The following KCNB2 variants were observed in gnomAD, a reference collection of about 807,000 sequenced individuals.
KCNB2 encodes potassium voltage-gated channel subfamily B member 2, also known as delayed rectifier potassium channel protein.
In KCNB2, 15 loss-of-function variants were observed where a neutral mutation model predicts 61.5. The ratio of observed to expected loss-of-function variants is 0.24; its 90% CI spans 0.16 to 0.38. The LOEUF (loss-of-function observed/expected upper bound fraction) is 0.38. KCNB2 is among the 10% of genes least tolerant of loss of function. The pLI, the probability that KCNB2 is intolerant of heterozygous loss-of-function variation, is 1.00. For missense variants in KCNB2, 828 were observed against 1,125.2 expected (o/e 0.74, Z 3.78); for synonymous variants, 457 against 446.0 (o/e 1.02, Z -0.31).
At chr8:72,641,787 A>T (rs977617793) in intron 2 of KCNB2, among the ~76,000 whole-genome samples, 1 of 152,096 alleles carries the variant, frequency 6.6e-6, no homozygotes, top group Admixed American at 6.6e-5. Context: ...TACCTACCTC[A>T]TAGGCTAGTC....
At chr8:72,920,060 C>G (rs1269794551) in intron 2 of KCNB2, among the ~76,000 whole-genome samples, 10 of 151,772 alleles carry the variant, frequency 6.6e-5, no homozygotes, top group Admixed American at 6.6e-4. Flanking sequence ...GACCTATAAG[C>G]TAATATTATA....
intron 2 of KCNB2, among the ~76,000 whole-genome samples, chr8:72,657,059 C>A (rs1806303152): frequency 6.6e-6 from 1 of 152,120 alleles, no homozygotes; most frequent in Non-Finnish European, 1.5e-5. Flanking sequence ...AACTAAATTA[C>A]TTTTAATTCA....
At chr8:72,561,454 G>C (rs928081145) in intron 1 of KCNB2, among the ~76,000 whole-genome samples, 4 of 150,932 alleles carry the variant, frequency 2.7e-5, no homozygotes, top group African/African-American at 9.7e-5. Flanking sequence ...GGAGTATATA[G>C]TTGTGCTAAA....
intron 2 of KCNB2, among the ~76,000 whole-genome samples, chr8:72,652,179 T>C (rs1003559803): frequency 4.6e-5 from 7 of 152,148 alleles, no homozygotes; most frequent in African/African-American, 1.2e-4. Flanking sequence ...AATCAACTGC[T>C]AGAATATTGG....
At chr8:72,606,673 G>C (rs1219218254) in intron 2 of KCNB2, among the ~76,000 whole-genome samples, 5 of 152,172 alleles carry the variant, frequency 3.3e-5, no homozygotes, top group African/African-American at 1.2e-4. Flanking sequence ...ATGAAGGTCT[G>C]ATAAGCCAAG....
At chr8:72,660,213 A>C (rs1806356487) in intron 2 of KCNB2, among the ~76,000 whole-genome samples, 1 of 152,192 alleles carries the variant, frequency 6.6e-6, no homozygotes, top group Non-Finnish European at 1.5e-5. Context: ...AGGAGAATGA[A>C]CTTGGAAGGT....
At chr8:72,575,830 A>G (rs1003818713) in intron 2 of KCNB2, among the ~76,000 whole-genome samples, 1 of 152,200 alleles carries the variant, frequency 6.6e-6, no homozygotes, top group Non-Finnish European at 1.5e-5. Context: ...TTTCCACAAA[A>G]TGTTTCAAAT....
chr8:72,846,163 G>T (rs927890388), intron 2 of KCNB2, among the ~76,000 whole-genome samples: 1 of 152,252 alleles, frequency 6.6e-6, no homozygotes, highest in Admixed American at 6.5e-5. Context: ...TGTTCCTCAC[G>T]TCACAGTCCC....
chr8:72,890,180 A>G (rs1805873305), intron 2 of KCNB2, among the ~76,000 whole-genome samples: 1 of 152,218 alleles, frequency 6.6e-6, no homozygotes, highest in Admixed American at 6.5e-5. Context: ...GTGACCGCAG[A>G]TGATTCATCT....
chr8:72,746,576 G>C (rs1292690558), intron 2 of KCNB2, among the ~76,000 whole-genome samples: 1 of 152,154 alleles, frequency 6.6e-6, no homozygotes, highest in East Asian at 1.9e-4. Flanking sequence ...GAGACATGTG[G>C]CTTCATCTAC....
chr8:72,622,518 G>A (rs1481969064), intron 2 of KCNB2, among the ~76,000 whole-genome samples: 2 of 152,020 alleles, frequency 1.3e-5, no homozygotes, highest in East Asian at 3.9e-4. Flanking sequence ...AGTGAGATGG[G>A]GATGAAAGCC....
At chr8:72,568,869 C>T (rs1261314903) in intron 2 of KCNB2, among the ~76,000 whole-genome samples, 1 of 151,602 alleles carries the variant, frequency 6.6e-6, no homozygotes, top group Non-Finnish European at 1.5e-5. Context: ...AATGCATCCA[C>T]GTACCTCCCC....
intron 2 of KCNB2, among the ~76,000 whole-genome samples, chr8:72,852,153 A>T (rs1810127476): frequency 6.6e-6 from 1 of 152,172 alleles, no homozygotes; most frequent in East Asian, 1.9e-4. Flanking sequence ...CCAGCTACTC[A>T]GAAGGCTGAG....
chr8:72,920,441 ATATCTATC>A (rs568926581), intron 2 of KCNB2, among the ~76,000 whole-genome samples: 6 of 105,158 alleles, frequency 5.7e-5, no homozygotes, highest in East Asian at 2.3e-4. Flanking sequence ...CCTCTCCACT[ATATCTATC>A]TATCTATCTA....
intron 2 of KCNB2, among the ~76,000 whole-genome samples, chr8:72,755,296 G>A (rs143783851): frequency 1.1e-4 from 17 of 152,246 alleles, no homozygotes; most frequent in Middle Eastern, 3.4e-3. Flanking sequence ...AGGACATTAG[G>A]TTAAAGGAAA....
chr8:72,732,547 T>A (rs1807764396), intron 2 of KCNB2, among the ~76,000 whole-genome samples: 1 of 152,234 alleles, frequency 6.6e-6, no homozygotes, highest in South Asian at 2.1e-4. Context: ...AGATTTGTTT[T>A]TCAAAGGATT....
chr8:72,695,580 T>G (rs1352302871), intron 2 of KCNB2, among the ~76,000 whole-genome samples: 1 of 152,190 alleles, frequency 6.6e-6, no homozygotes, highest in Non-Finnish European at 1.5e-5. Flanking sequence ...TAATCTATAT[T>G]GGACATCTCC....
intron 2 of KCNB2, among the ~76,000 whole-genome samples, chr8:72,803,921 G>A (rs17772423): frequency 0.14 from 20,729 of 152,238 alleles, 1,784 homozygotes; most frequent in South Asian, 0.3. Flanking sequence ...AGGTAGAGAA[G>A]TGTATCTGTG....
chr8:72,910,289 G>T (rs894848567), intron 2 of KCNB2, among the ~76,000 whole-genome samples: 1 of 152,192 alleles, frequency 6.6e-6, no homozygotes, highest in African/African-American at 2.4e-5. Flanking sequence ...AGTGCCGGTA[G>T]TGGGATAGTG....
Sources: gnomAD v4.1 joint callset for allele counts (sites outside exome capture counted in the v4.1 genomes callset) on GRCh38, gnomAD v4.1.1 for gene constraint, MANE v1.5 for transcripts, NCBI Gene and HGNC (gene_info 2026-07-23, HGNC 2026-07-21) for gene names.